Variants in PPP1R16B observed in about 807,000 individuals in gnomAD.
PPP1R16B encodes the protein protein phosphatase 1 regulatory inhibitor subunit 16B.
PPP1R16B carries 14 observed loss-of-function variants against 61.7 expected under a neutral mutation model. That is an observed-to-expected ratio of 0.23 (90% CI 0.15 to 0.35). PPP1R16B has a LOEUF of 0.35. Ranked by LOEUF, PPP1R16B falls within the 10% of genes least tolerant of loss-of-function variation. The pLI is 1.00. For missense variants in PPP1R16B, 547 were observed against 752.5 expected (o/e 0.73, Z 3.19); for synonymous variants, 266 against 305.3 (o/e 0.87, Z 1.34).
Position 38,907,111 on chromosome 20 carries a change from G to A in PPP1R16B, c.898+57G>A. 7 of 1,346,700 alleles carry A rather than the reference G, an allele frequency of 5.2e-6. No homozygotes were observed. Among genetic ancestry groups the A allele is most frequent in the South Asian group, 1.2e-5 (1 of 85,224 alleles). 83.4% of individuals were successfully genotyped at this position (1,346,700 alleles called of 1,614,324 possible). On this transcript the variant is annotated intron_variant, in intron 8 of 10. Transcript: ENST00000299824. This position sits in a 1 kb window ranked among gnomAD's most constrained non-coding sequence, Gnocchi z 4.5. ...ATAGGCAGTTATCAATGTTTTGATG[G>A]GTAGAGGGAGAAATAGATAAATATA...
In PPP1R16B at chr20:38,902,761, T is replaced by C; in HGVS notation, c.665T>C (p.Leu222Pro). 6.2e-7 allele frequency: 1 copy of C among 1,614,232 alleles called. No individual in the cohort carries two copies. ...IHCMIAAGQD[L>P]DWIDAQGATL... ...TGCATGATCGCAGCGGGCCAGGACCTGGACTGGATAGATGCCCAGGGTGCC... is the reference window on the plus strand; with the variant it reads ...TGCATGATCGCAGCGGGCCAGGACCCGGACTGGATAGATGCCCAGGGTGCC... The change falls in exon 6 of 11, where the codon CTG becomes CCG. Residue 222 changes from leucine to proline, a missense_variant. Coordinates refer to ENST00000299824, the MANE Select transcript of PPP1R16B (RefSeq NM_015568.4).
At chr20:38,916,342 TATATATGTTATATGTAC>T (rs2085540212) in intron 10 of PPP1R16B, among the ~76,000 whole-genome samples, 1 of 148,120 alleles carries the variant, frequency 6.8e-6, no homozygotes, top group African/African-American at 2.5e-5. Context: ...TATAAATACA[TATATATGTTATATGTAC>T]ATATATGTTA....
Position 38,908,190 on chromosome 20 carries a change from C to T in PPP1R16B, c.1191C>T (p.Asp397=). The T allele has an allele frequency of 1.2e-6, 2 of 1,614,220 alleles. No homozygotes were observed. Among genetic ancestry groups the T allele is most frequent in the South Asian group, 1.1e-5 (1 of 91,084 alleles). Residue 397 remains aspartate, a synonymous_variant, in exon 10 of 11, where the codon GAC becomes GAT. Coordinates refer to ENST00000299824, the MANE Select transcript of PPP1R16B (RefSeq NM_015568.4). ...CCAGGACAGACCAAGAGAATAAGGA[C>T]CCTGTGAGTGGCCTCACGCCCTGCC... ...RETRTDQENK[D]PNPRLEKPVL... is the part of the protein sequence containing the mutation.
At chr20:38,889,449 T>C in intron 2 of PPP1R16B, 146 bp from the exon 3 acceptor site, 2 of 692,582 alleles carry the variant, frequency 2.9e-6, no homozygotes, top group South Asian at 3.4e-5. Context: ...TTGGAAATTC[T>C]GGGCGTCAGT....
rs370843034 is a variant in PPP1R16B at position 38,849,371 on chromosome 20, C to T, written c.250+13196C>T. On this transcript the variant is annotated intron_variant, in intron 2 of 10. Coordinates refer to ENST00000299824, the MANE Select transcript of PPP1R16B (RefSeq NM_015568.4). ...TCCAGATTCTATCCTCTCTCCCCTT[C>T]TCTCCAGGCTAACTACTTCCGTTCC... is the stretch of plus-strand genomic sequence containing the variant. Among the ~76,000 whole-genome samples, 17 of 152,300 alleles carry T rather than the reference C, an allele frequency of 1.1e-4. 1 individual carries two copies. The highest frequency in any genetic ancestry group is 3.9e-4 in the African/African-American group (16 of 41,556).
In PPP1R16B at chr20:38,896,795, G is replaced by A. The variant is rs529347088; in HGVS notation, c.467+1085G>A. 2.6e-5 allele frequency among the ~76,000 whole-genome samples: 4 copies of A among 152,154 alleles called. No individual in the cohort carries two copies. In the East Asian group the frequency reaches 5.8e-4, roughly 22 times the overall value. ...TCCCTGCCTACCCCTGGCTCCTGGCGACCACCATTCTACTTTCTGTCTCTA... is the reference window on the plus strand; with the variant it reads ...TCCCTGCCTACCCCTGGCTCCTGGCAACCACCATTCTACTTTCTGTCTCTA... On this transcript the variant is annotated intron_variant, in intron 4 of 10. Coordinates refer to ENST00000299824, the MANE Select transcript of PPP1R16B (RefSeq NM_015568.4).
intron 2 of PPP1R16B, among the ~76,000 whole-genome samples, chr20:38,886,495 C>A (rs1471840822): frequency 6.6e-6 from 1 of 152,194 alleles, no homozygotes; most frequent in African/African-American, 2.4e-5. Flanking sequence ...TGAGCAGAAC[C>A]ATCCAGAAAC....
chr20:38,831,997 T>C (rs1197095869), intron 1 of PPP1R16B, among the ~76,000 whole-genome samples: 1 of 152,222 alleles, frequency 6.6e-6, no homozygotes, highest in Non-Finnish European at 1.5e-5. Flanking sequence ...CTGTACACCT[T>C]TGAGCGCTGC....
At chr20:38,884,789 C>T (rs759992821) in intron 2 of PPP1R16B, among the ~76,000 whole-genome samples, 4 of 151,096 alleles carry the variant, frequency 2.6e-5, no homozygotes, top group East Asian at 2.0e-4. Flanking sequence ...AAGAAGGCGG[C>T]GGACAGGCAC....
chr20:38,813,520 T>C (rs925689692), intron 1 of PPP1R16B, among the ~76,000 whole-genome samples: 5 of 152,074 alleles, frequency 3.3e-5, no homozygotes, highest in African/African-American at 4.8e-5. Flanking sequence ...GCAGGACCTA[T>C]GTAAGGTTGT....
chr20:38,876,959 A>G (rs576120222), intron 2 of PPP1R16B, among the ~76,000 whole-genome samples: 4 of 152,222 alleles, frequency 2.6e-5, no homozygotes, highest in Non-Finnish European at 5.9e-5. Context: ...GGATGTATGG[A>G]AAGCATTTTT....
chr20:38,864,072 G>T (rs1038618863), intron 2 of PPP1R16B, among the ~76,000 whole-genome samples: 2 of 152,218 alleles, frequency 1.3e-5, no homozygotes, highest in Non-Finnish European at 2.9e-5. Flanking sequence ...TATGTTAAGT[G>T]AAAGAAGCCA....
intron 2 of PPP1R16B, among the ~76,000 whole-genome samples, chr20:38,844,419 A>G (rs573520906): frequency 6.6e-6 from 1 of 152,366 alleles, no homozygotes. Flanking sequence ...TAAATACTCA[A>G]GTCTGAATAA....
intron 2 of PPP1R16B, among the ~76,000 whole-genome samples, chr20:38,868,353 C>T (rs1200434640): frequency 6.6e-6 from 1 of 151,966 alleles, no homozygotes; most frequent in Non-Finnish European, 1.5e-5. Flanking sequence ...AGAGAGATCC[C>T]TTCTGTTCTA....
At chr20:38,887,705 G>A (rs2085256252) in intron 2 of PPP1R16B, among the ~76,000 whole-genome samples, 1 of 152,246 alleles carries the variant, frequency 6.6e-6, no homozygotes, top group African/African-American at 2.4e-5. Context: ...GTGGCACCAT[G>A]TTGGTCAGGA....
intron 2 of PPP1R16B, among the ~76,000 whole-genome samples, chr20:38,847,803 T>C (rs897007157): frequency 6.6e-6 from 1 of 152,246 alleles, no homozygotes; most frequent in African/African-American, 2.4e-5. Context: ...TTTGTTGTCA[T>C]GTATGGTTCA....
intron 1 of PPP1R16B, among the ~76,000 whole-genome samples, chr20:38,830,334 T>C (rs1568655438): frequency 1.3e-5 from 2 of 152,240 alleles, no homozygotes; most frequent in Non-Finnish European, 2.9e-5. Flanking sequence ...TATGAGTGCT[T>C]CTCTTGTAAG....
chr20:38,818,603 A>G (rs565593851), intron 1 of PPP1R16B, among the ~76,000 whole-genome samples: 1 of 152,266 alleles, frequency 6.6e-6, no homozygotes, highest in Non-Finnish European at 1.5e-5. Context: ...GAGGCAAGGA[A>G]ACCACTTTGG....
chr20:38,849,411 T>G (rs902035741), intron 2 of PPP1R16B, among the ~76,000 whole-genome samples: 1 of 152,214 alleles, frequency 6.6e-6, no homozygotes, highest in Non-Finnish European at 1.5e-5. Flanking sequence ...CATATTCTTT[T>G]ATGACATGTG....
Sources: allele counts gnomAD v4.1 joint callset (sites outside exome capture counted in the v4.1 genomes callset), GRCh38; gene constraint gnomAD v4.1.1; non-coding constraint Gnocchi (gnomAD v3.1); transcripts MANE v1.5; gene names NCBI Gene and HGNC (gene_info 2026-07-23, HGNC 2026-07-21).